MAP4K3: variants seen among roughly 807,000 people sequenced by gnomAD.
MAP4K3 encodes MAPK/ERK kinase kinase kinase 3.
In MAP4K3, 94 loss-of-function variants were observed where a neutral mutation model predicts 143.5. That is an observed-to-expected ratio of 0.65 (90% CI 0.55 to 0.78). The LOEUF (loss-of-function observed/expected upper bound fraction) is 0.78. Ranked by LOEUF, MAP4K3 falls within the 30% of genes least tolerant of loss-of-function variation. The pLI is 0.00. For synonymous variants in MAP4K3, 416 were observed against 347.2 expected (o/e 1.20, Z -2.20); for missense variants, 1,077 against 1,068.1 (o/e 1.01, Z -0.12).
At chr2:39,333,305 T>C (rs1683740051) in intron 7 of MAP4K3, among the ~76,000 whole-genome samples, 1 of 152,114 alleles carries the variant, frequency 6.6e-6, no homozygotes, top group Admixed American at 6.6e-5. Context: ...GAAAGGGTAT[T>C]CTTTCACAGT....
intron 18 of MAP4K3, among the ~76,000 whole-genome samples, chr2:39,292,114 A>G (rs1223868550): frequency 6.6e-6 from 1 of 152,176 alleles, no homozygotes; most frequent in African/African-American, 2.4e-5. Context: ...ATTTACATCC[A>G]AAGTATTTGT....
At chr2:39,365,288 AGGATGTC>A (rs1377332075) in intron 2 of MAP4K3, among the ~76,000 whole-genome samples, 3 of 152,098 alleles carry the variant, frequency 2.0e-5, no homozygotes, top group African/African-American at 7.2e-5. Context: ...GGGTATAATG[AGGATGTC>A]GGAGTCTCAT....
intron 6 of MAP4K3, among the ~76,000 whole-genome samples, chr2:39,335,481 C>T (rs1047457418): frequency 9.2e-5 from 14 of 152,216 alleles, no homozygotes; most frequent in African/African-American, 3.1e-4. Flanking sequence ...TCAAACTACC[C>T]AACCAGTCCC....
chr2:39,349,543 T>C (rs373686915), intron 3 of MAP4K3, among the ~76,000 whole-genome samples: 131 of 152,238 alleles, frequency 8.6e-4, no homozygotes, highest in African/African-American at 2.9e-3. Flanking sequence ...AAATATCACA[T>C]AGTCTTTTCT....
At chr2:39,259,932 A>T (rs3821133) in intron 29 of MAP4K3, among the ~76,000 whole-genome samples, 104,028 of 151,656 alleles carry the variant, frequency 0.69, 39,551 homozygotes, top group Non-Finnish European at 0.84. Flanking sequence ...TCAAATAACA[A>T]CCCAGGTGTA....
intron 1 of MAP4K3, among the ~76,000 whole-genome samples, chr2:39,426,528 G>A (rs1289440712): frequency 1.3e-5 from 2 of 151,796 alleles, no homozygotes; most frequent in Admixed American, 1.3e-4. Context: ...GTATTTATGG[G>A]TAAAGGAGTT....
chr2:39,409,561 A>G (rs1312335921), intron 1 of MAP4K3, among the ~76,000 whole-genome samples: 1 of 152,200 alleles, frequency 6.6e-6, no homozygotes. Flanking sequence ...AAACAAAACG[A>G]CAACAACAAA....
intron 3 of MAP4K3, among the ~76,000 whole-genome samples, chr2:39,344,496 T>C (rs778693097): frequency 1.3e-5 from 2 of 152,250 alleles, no homozygotes; most frequent in East Asian, 3.8e-4. Flanking sequence ...AACACAGTCA[T>C]ACTCATTTAT....
At chr2:39,282,663 T>A in intron 21 of MAP4K3, 109 bp from the exon 22 acceptor site, 1 of 751,044 alleles carries the variant, frequency 1.3e-6, no homozygotes. Flanking sequence ...ACATTCTTTG[T>A]AAAACAAAAC....
At chr2:39,277,454 G>C (rs1360873160) in intron 24 of MAP4K3, among the ~76,000 whole-genome samples, 1 of 152,206 alleles carries the variant, frequency 6.6e-6, no homozygotes, top group Non-Finnish European at 1.5e-5. Flanking sequence ...AATCCTGAGT[G>C]CTGTAGTTAC....
chr2:39,338,098 G>A (rs1203610056), intron 4 of MAP4K3, among the ~76,000 whole-genome samples: 3 of 151,994 alleles, frequency 2.0e-5, no homozygotes, highest in Non-Finnish European at 4.4e-5. Context: ...TTTGCTCATT[G>A]TTGTATCTCC....
chr2:39,263,325 T>G (rs1680639566), intron 28 of MAP4K3, among the ~76,000 whole-genome samples: 1 of 143,158 alleles, frequency 7.0e-6, no homozygotes, highest in Non-Finnish European at 1.5e-5. Context: ...CAGGCGGGAG[T>G]GCAGTGGCGC....
chr2:39,375,084 G>A (rs1666181375), intron 2 of MAP4K3, among the ~76,000 whole-genome samples: 1 of 152,092 alleles, frequency 6.6e-6, no homozygotes, highest in Non-Finnish European at 1.5e-5. Flanking sequence ...AATATAGTGA[G>A]ACCCTGTCTC....
intron 18 of MAP4K3, among the ~76,000 whole-genome samples, chr2:39,290,793 G>A (rs1054237840): frequency 3.3e-5 from 5 of 152,132 alleles, no homozygotes; most frequent in Non-Finnish European, 7.4e-5. Context: ...ATAACGGGCC[G>A]GGCGTGGTGG....
chr2:39,326,116 C>T (rs559271405), intron 9 of MAP4K3, 30 bp downstream of exon 9: 26 of 1,600,820 alleles, frequency 1.6e-5, no homozygotes, highest in South Asian at 6.8e-5. Context: ...AAACCTTAAG[C>T]GTAAGATTCT....
intron 1 of MAP4K3, among the ~76,000 whole-genome samples, chr2:39,431,815 C>T (rs1665298461): frequency 6.6e-6 from 1 of 152,170 alleles, no homozygotes; most frequent in Non-Finnish European, 1.5e-5. Flanking sequence ...TAAGCATCTC[C>T]ATTTTACAGC....
intron 3 of MAP4K3, among the ~76,000 whole-genome samples, chr2:39,347,315 G>T (rs567233192): frequency 6.6e-6 from 1 of 152,190 alleles, no homozygotes; most frequent in South Asian, 2.1e-4. Context: ...AAATAAAGGG[G>T]TTCTATTACC....
chr2:39,401,782 C>T (rs1257850284), intron 1 of MAP4K3, among the ~76,000 whole-genome samples: 1 of 152,110 alleles, frequency 6.6e-6, no homozygotes, highest in Non-Finnish European at 1.5e-5. Flanking sequence ...GCCTGGATGA[C>T]AGGAGTGTGA....
At chr2:39,371,175 A>T (rs1666071111) in intron 2 of MAP4K3, among the ~76,000 whole-genome samples, 1 of 152,118 alleles carries the variant, frequency 6.6e-6, no homozygotes, top group African/African-American at 2.4e-5. Flanking sequence ...CATCTCACCA[A>T]AAGAAAAGAT....
Sources: allele counts gnomAD v4.1 joint callset (sites outside exome capture counted in the v4.1 genomes callset), GRCh38; gene constraint gnomAD v4.1.1; transcripts MANE v1.5; gene names NCBI Gene and HGNC (gene_info 2026-07-23, HGNC 2026-07-21).